The following MAP2K4 variants were observed in gnomAD, a reference collection of about 807,000 sequenced individuals.
The protein encoded by MAP2K4 is dual specificity mitogen-activated protein kinase kinase 4.
MAP2K4 carries 4 observed loss-of-function variants against 48.5 expected under a neutral mutation model. The observed-to-expected ratio is 0.08, with a 90% CI of 0.04 to 0.19. The LOEUF (loss-of-function observed/expected upper bound fraction) is 0.19. Among genes scored for constraint, MAP2K4 ranks in the 10% least tolerant of loss-of-function variants. The probability of loss-of-function intolerance (pLI) is 1.00; values close to 1 mark genes in which losing one functional copy is unlikely to be tolerated. For synonymous variants in MAP2K4, 166 were observed against 173.1 expected (o/e 0.96, Z 0.32); for missense variants, 258 against 493.3 (o/e 0.52, Z 4.52).
chr17:12,131,145 A>G (rs367741925), intron 9 of MAP2K4, among the ~76,000 whole-genome samples: 12 of 152,112 alleles, frequency 7.9e-5, no homozygotes, highest in Non-Finnish European at 1.5e-4. Flanking sequence ...ACTATTCTAT[A>G]GAGACTTCCT....
chr17:12,031,991 GT>G (rs1206953562), intron 1 of MAP2K4, among the ~76,000 whole-genome samples: 1 of 152,086 alleles, frequency 6.6e-6, no homozygotes, highest in African/African-American at 2.4e-5. Context: ...AGGGCTTGTA[GT>G]TCTTTTTATT....
intron 4 of MAP2K4, among the ~76,000 whole-genome samples, chr17:12,097,117 A>C (rs1971780994): frequency 6.6e-6 from 1 of 152,204 alleles, no homozygotes; most frequent in Non-Finnish European, 1.5e-5. Flanking sequence ...TTCATGTTGC[A>C]CAAGAATCTT....
rs563698598 is a variant in MAP2K4, at chr17:12,135,040, C to T, written c.1041-4799C>T. ...ATCTCAGCCCCCCGAGTAGCTGGGA[C>T]TACAGGAATGTGCCACTACACCTGG... On this transcript the variant is annotated intron_variant, in intron 9 of 10. Coordinates refer to ENST00000353533, the MANE Select transcript of MAP2K4 (RefSeq NM_003010.4). Among the ~76,000 whole-genome samples the T allele has an allele frequency of 2.5e-3, 388 of 152,192 alleles. 2 individuals carry two copies. Among genetic ancestry groups the T allele is most frequent in the Non-Finnish European group, 4.4e-3 (298 of 67,992 alleles).
At chr17:12,055,899 T>G (rs1020825213) in intron 2 of MAP2K4, among the ~76,000 whole-genome samples, 2 of 152,064 alleles carry the variant, frequency 1.3e-5, no homozygotes, top group African/African-American at 4.8e-5. Context: ...TAGTAACAAT[T>G]TATTTTTCTC....
chr17:12,131,541 G>A (rs1013831500), intron 9 of MAP2K4, among the ~76,000 whole-genome samples: 6 of 151,818 alleles, frequency 4.0e-5, no homozygotes, highest in African/African-American at 1.2e-4. Context: ...CACTGCCCCC[G>A]GCCCGCTCTA....
intron 8 of MAP2K4, among the ~76,000 whole-genome samples, chr17:12,127,802 T>C (rs1972898160): frequency 6.6e-6 from 1 of 152,194 alleles, no homozygotes; most frequent in Non-Finnish European, 1.5e-5. Context: ...CGGAATACAT[T>C]TTTCTGTGTG....
chr17:12,076,764 T>G (rs894648446), intron 2 of MAP2K4, among the ~76,000 whole-genome samples: 1 of 152,178 alleles, frequency 6.6e-6, no homozygotes, highest in Non-Finnish European at 1.5e-5. Flanking sequence ...GTGGAACTGT[T>G]AAGTCTCTGG....
intron 9 of MAP2K4, among the ~76,000 whole-genome samples, chr17:12,136,552 A>G (rs1973215399): frequency 6.6e-6 from 1 of 152,226 alleles, no homozygotes; most frequent in Non-Finnish European, 1.5e-5. Context: ...TGGCTAATGT[A>G]ACTAAGGAAA....
At position 12,081,630 on chromosome 17, in the gene MAP2K4, T is replaced by G; in HGVS notation, c.393+100T>G. ...GTTGTGTTCCTACTTTTGTGGTAAA[T>G]GTGGGTGTTTAAAAAATTGTTTCTC... On this transcript the variant is annotated intron_variant, in intron 3 of 10. Coordinates refer to ENST00000353533, the MANE Select transcript of MAP2K4 (RefSeq NM_003010.4). This position sits in a 1 kb window ranked among gnomAD's most constrained non-coding sequence, Gnocchi z 4.2. The G allele has an allele frequency of 2.4e-6, 3 of 1,229,984 alleles. No homozygotes were observed. The highest frequency in any genetic ancestry group is 3.4e-6 in the Non-Finnish European group (3 of 879,796). 76.2% of individuals were successfully genotyped at this position (1,229,984 alleles called of 1,614,324 possible).
chr17:12,020,932 A>AGCGGCAGCG lies in MAP2K4; in HGVS notation c.49_57dup (p.Gly17_Gly19dup). 1 of 1,143,934 alleles carries AGCGGCAGCG rather than the reference A, an allele frequency of 8.7e-7. No individual in the cohort carries two copies. The highest frequency in any genetic ancestry group is 1.1e-6 in the Non-Finnish European group (1 of 935,586). The allele number at this position is 1,143,934 out of a possible 1,614,324, so 70.9% of individuals were successfully genotyped here. ...CGGCGGCGGCGGCTCCGGGGGCGGC[A>AGCGGCAGCG]GCGGCAGCGGCACCCCCGGCCCCGT... On this transcript the variant is annotated inframe_insertion, in exon 1 of 11. Transcript: ENST00000353533.
intron 5 of MAP2K4, 133 bp downstream of exon 5, chr17:12,108,042 C>G (rs1295628751): frequency 2.6e-6 from 2 of 781,176 alleles, no homozygotes; most frequent in African/African-American, 3.6e-5. Flanking sequence ...TAACCAGAGA[C>G]AAAGTCACTT....
At chr17:12,123,539 T>C (rs1170878243) in intron 7 of MAP2K4, among the ~76,000 whole-genome samples, 3 of 152,158 alleles carry the variant, frequency 2.0e-5, no homozygotes, top group Non-Finnish European at 2.9e-5. Context: ...TTACTTGTCT[T>C]CACGTTACTT....
chr17:12,076,895 A>T (rs1443127428), intron 2 of MAP2K4, among the ~76,000 whole-genome samples: 1 of 151,924 alleles, frequency 6.6e-6, no homozygotes, highest in African/African-American at 2.4e-5. Flanking sequence ...TGTGTATCTT[A>T]ATCAAATTGT....
At chr17:12,078,778 C>T (rs531135558) in intron 2 of MAP2K4, among the ~76,000 whole-genome samples, 2 of 152,188 alleles carry the variant, frequency 1.3e-5, no homozygotes, top group South Asian at 4.1e-4. Flanking sequence ...TTGATTGACT[C>T]CAGAGTTTAA....
Position 12,141,330 on chromosome 17 carries a change from T to C in MAP2K4, c.*70T>C. 1 of 1,082,274 alleles carries C rather than the reference T, an allele frequency of 9.2e-7. No homozygotes were observed. The highest frequency in any genetic ancestry group is 2.4e-5 in the East Asian group (1 of 42,374). The allele number at this position is 1,082,274 out of a possible 1,614,324, so 67.0% of individuals were successfully genotyped here. A position where few individuals can be genotyped will look rare whatever the true frequency, so the allele number is the denominator to read the frequency against. On this transcript the variant is annotated 3_prime_UTR_variant, in exon 11 of 11. Coordinates refer to ENST00000353533, the MANE Select transcript of MAP2K4 (RefSeq NM_003010.4). The stretch of plus-strand genomic sequence containing the variant: ...CAAGACGTAAAGAATTTTCATCCCG[T>C]ATCACAGTGTTTTTATTGCTCGCCC...
intron 8 of MAP2K4, among the ~76,000 whole-genome samples, chr17:12,126,132 C>T (rs912395072): frequency 6.6e-6 from 1 of 152,132 alleles, no homozygotes; most frequent in African/African-American, 2.4e-5. Context: ...CAGGCCGCTC[C>T]TTCAACACAT....
At chr17:12,043,292 G>T (rs1445075751) in intron 1 of MAP2K4, among the ~76,000 whole-genome samples, 1 of 152,086 alleles carries the variant, frequency 6.6e-6, no homozygotes, top group Non-Finnish European at 1.5e-5. Flanking sequence ...AAATATTAAT[G>T]GAAATAAGGA....
chr17:12,097,800 T>G (rs1971808501), intron 4 of MAP2K4, among the ~76,000 whole-genome samples: 1 of 152,240 alleles, frequency 6.6e-6, no homozygotes, highest in Non-Finnish European at 1.5e-5. Flanking sequence ...AATCTTGCTG[T>G]TCCTTCTATT....
At chr17:12,110,239 G>T (rs888465222) in intron 5 of MAP2K4, 136 bp from the exon 6 acceptor site, 6 of 666,062 alleles carry the variant, frequency 9.0e-6, no homozygotes, top group Non-Finnish European at 1.6e-5. Context: ...TGGTTAACAA[G>T]AAATGACAAA....
Sources: allele counts gnomAD v4.1 joint callset (sites outside exome capture counted in the v4.1 genomes callset), GRCh38; gene constraint gnomAD v4.1.1; non-coding constraint Gnocchi (gnomAD v3.1); transcripts MANE v1.5; gene names NCBI Gene and HGNC (gene_info 2026-07-23, HGNC 2026-07-21).